ATRNL1: variants seen among roughly 807,000 people sequenced by gnomAD.
ATRNL1 encodes the protein attractin-like protein 1.
ATRNL1 carries 95 observed loss-of-function variants against 182.7 expected under a neutral mutation model. The observed-to-expected ratio is 0.52, with a 90% confidence interval of 0.44 to 0.62. ATRNL1 has a LOEUF of 0.62. ATRNL1 is among the 20% of genes least tolerant of loss of function. ATRNL1 has a pLI of 0.00. For synonymous variants in ATRNL1, 576 were observed against 568.3 expected (o/e 1.01, Z -0.19); for missense variants, 1,471 against 1,679.5 (o/e 0.88, Z 2.17).
chr10:115,514,257 C>G (rs1554983356), intron 24 of ATRNL1, among the ~76,000 whole-genome samples: 1 of 151,868 alleles, frequency 6.6e-6, no homozygotes. Context: ...AGTGGTATTT[C>G]AGCTTATTCT....
chr10:115,245,499 CAAAAAA>C (rs35541977), intron 10 of ATRNL1, among the ~76,000 whole-genome samples: 1 of 72,900 alleles, frequency 1.4e-5, no homozygotes, highest in Non-Finnish European at 2.6e-5. Context: ...CACTCCGTCT[CAAAAAA>C]AAAAAAAAAA....
chr10:115,702,501 T>G (rs1444973229), intron 26 of ATRNL1, among the ~76,000 whole-genome samples: 1 of 151,990 alleles, frequency 6.6e-6, no homozygotes, highest in East Asian at 1.9e-4. Flanking sequence ...GATATAATTC[T>G]ATACTTAGGA....
chr10:115,327,890 A>T (rs887282823), intron 18 of ATRNL1, among the ~76,000 whole-genome samples: 1 of 151,290 alleles, frequency 6.6e-6, no homozygotes, highest in Non-Finnish European at 1.5e-5. Flanking sequence ...AACAATGAGA[A>T]CACATGGACA....
chr10:115,096,743 G>T, intron 1 of ATRNL1: 2 of 1,282,364 alleles, frequency 1.6e-6, no homozygotes, highest in Admixed American at 2.3e-5. Context: ...AGTATCAAAA[G>T]TGGTACTTCA....
intron 26 of ATRNL1, among the ~76,000 whole-genome samples, chr10:115,596,876 T>G (rs1555014132): frequency 6.6e-6 from 1 of 152,186 alleles, no homozygotes; most frequent in Non-Finnish European, 1.5e-5. Context: ...TAGGACTAGT[T>G]ATTGGTATCC....
intron 27 of ATRNL1, among the ~76,000 whole-genome samples, chr10:115,814,534 A>G (rs1327481634): frequency 6.6e-6 from 1 of 152,204 alleles, no homozygotes; most frequent in African/African-American, 2.4e-5. Flanking sequence ...GACATATGTG[A>G]TAGTGAGTTA....
chr10:115,104,904 CT>C (rs1487760765), intron 1 of ATRNL1, among the ~76,000 whole-genome samples: 1 of 133,318 alleles, frequency 7.5e-6, no homozygotes, highest in South Asian at 2.4e-4. Flanking sequence ...TCTATGTGTC[CT>C]TTTTTTTTCT....
chr10:115,541,190 A>T (rs554536317), intron 25 of ATRNL1, among the ~76,000 whole-genome samples: 1 of 152,206 alleles, frequency 6.6e-6, no homozygotes, highest in African/African-American at 2.4e-5. Context: ...TATTCACACT[A>T]TGTAACTCAT....
intron 15 of ATRNL1, among the ~76,000 whole-genome samples, chr10:115,286,969 G>T (rs1564881758): frequency 1.3e-5 from 2 of 151,742 alleles, no homozygotes; most frequent in African/African-American, 4.8e-5. Flanking sequence ...AGGTTACTTG[G>T]AATACTATGC....
At chr10:115,902,522 G>T (rs1555113723) in intron 28 of ATRNL1, among the ~76,000 whole-genome samples, 2 of 152,112 alleles carry the variant, frequency 1.3e-5, no homozygotes, top group Admixed American at 1.3e-4. Flanking sequence ...AACATTAATG[G>T]AAGGGAAATA....
rs1020056166 is a variant in ATRNL1, at chr10:115,701,182, T to C, written c.3796-26066T>C. Among the ~76,000 whole-genome samples, 26 of 152,076 alleles carry C rather than the reference T, an allele frequency of 1.7e-4. 1 individual carries two copies. Among genetic ancestry groups the C allele is most frequent in the Admixed American group, 1.6e-3 (25 of 15,248 alleles). On this transcript the variant is annotated intron_variant, in intron 26 of 28. Transcript: ENST00000355044. ...CAAAACCACACAATTACATGGAAAT[T>C]TAAAAACCTGCCCTTGAATTGACTT... is the stretch of plus-strand genomic sequence containing the variant.
chr10:115,761,288 C>T (rs912237005), intron 27 of ATRNL1, among the ~76,000 whole-genome samples: 1 of 152,110 alleles, frequency 6.6e-6, no homozygotes, highest in Non-Finnish European at 1.5e-5. Flanking sequence ...GTAAGTTTGC[C>T]TCTTTGTGGG....
intron 17 of ATRNL1, among the ~76,000 whole-genome samples, chr10:115,310,972 A>G (rs1310167351): frequency 1.3e-5 from 2 of 152,108 alleles, no homozygotes; most frequent in Non-Finnish European, 2.9e-5. Flanking sequence ...TTTTAGCACC[A>G]CTTTTGCTAT....
intron 8 of ATRNL1, among the ~76,000 whole-genome samples, chr10:115,213,981 C>T (rs1349015289): frequency 6.6e-6 from 1 of 151,266 alleles, no homozygotes. Flanking sequence ...CAGAATGATG[C>T]CCCAAATGTC....
intron 28 of ATRNL1, among the ~76,000 whole-genome samples, chr10:115,876,682 A>G (rs776631029): frequency 1.1e-4 from 16 of 152,204 alleles, no homozygotes; most frequent in Non-Finnish European, 2.1e-4. Flanking sequence ...ATAATTATAG[A>G]GATCTGACAG....
At chr10:115,686,261 C>T (rs1057376856) in intron 26 of ATRNL1, among the ~76,000 whole-genome samples, 12 of 151,960 alleles carry the variant, frequency 7.9e-5, no homozygotes, top group Admixed American at 7.2e-4. Context: ...GAAGACGAAG[C>T]ATTGCCTTTG....
chr10:115,944,575 A>G, intron 28 of ATRNL1, 83 bp from the exon 29 acceptor site: 3 of 1,189,642 alleles, frequency 2.5e-6, no homozygotes, highest in Non-Finnish European at 3.4e-6. Context: ...GAAAAGCAAT[A>G]AAAAGCAGGG....
chr10:115,559,133 C>T (rs1853508101), intron 26 of ATRNL1, among the ~76,000 whole-genome samples: 1 of 152,136 alleles, frequency 6.6e-6, no homozygotes, highest in African/African-American at 2.4e-5. Flanking sequence ...TGCTCAACAC[C>T]CTGCTCATGA....
chr10:115,864,485 C>G (rs781889774), intron 28 of ATRNL1, among the ~76,000 whole-genome samples: 1 of 152,082 alleles, frequency 6.6e-6, no homozygotes, highest in Non-Finnish European at 1.5e-5. Flanking sequence ...GAGTATCTTC[C>G]CACAAGACAT....
Sources: gnomAD v4.1 joint callset for allele counts (sites outside exome capture counted in the v4.1 genomes callset) on GRCh38, gnomAD v4.1.1 for gene constraint, MANE v1.5 for transcripts, NCBI Gene and HGNC (gene_info 2026-07-23, HGNC 2026-07-21) for gene names.